The following ZRANB3 variants were observed in gnomAD, a reference collection of about 807,000 sequenced individuals.
ZRANB3 encodes zinc finger RANBP2-type containing 3, also known as DNA annealing helicase and endonuclease ZRANB3.
ZRANB3 carries 125 observed loss-of-function variants against 133.8 expected under a neutral mutation model. The observed-to-expected ratio is 0.93, with a 90% CI of 0.81 to 1.08. ZRANB3 has a LOEUF of 1.08. Among genes scored for constraint, ZRANB3 ranks in the 50% least tolerant of loss-of-function variants. ZRANB3 has a pLI of 0.00. For synonymous variants in ZRANB3, 387 were observed against 432.7 expected (o/e 0.89, Z 1.31); for missense variants, 1,229 against 1,275.5 (o/e 0.96, Z 0.56).
rs576567904 is a variant in ZRANB3, at chr2:135,474,383, T to C, written c.161+29946A>G. Among the ~76,000 whole-genome samples, 10 of 152,232 alleles carry C rather than the reference T, an allele frequency of 6.6e-5. No homozygotes were observed. In the South Asian group the frequency reaches 2.1e-3, roughly 32 times the overall value. ...AATTTGGATGTTTGTCCCCTCGAAA[T>C]TTCTTATTAAAATGTGATCCCCAAT... On this transcript the variant is annotated intron_variant, in intron 2 of 20. Coordinates refer to ENST00000264159, the MANE Select transcript of ZRANB3 (RefSeq NM_032143.4).
At chr2:135,252,066 C>T (rs1425119054) in intron 12 of ZRANB3, among the ~76,000 whole-genome samples, 1 of 152,058 alleles carries the variant, frequency 6.6e-6, no homozygotes, top group Non-Finnish European at 1.5e-5. Context: ...AACAAAAAAA[C>T]CCTCTTTTTC....
At chr2:135,320,031 C>CT (rs34955930) in intron 6 of ZRANB3, among the ~76,000 whole-genome samples, 1 of 152,010 alleles carries the variant, frequency 6.6e-6, no homozygotes, top group Non-Finnish European at 1.5e-5. Context: ...GTGAGTGATT[C>CT]TTTTTTTTCC....
In ZRANB3 at chr2:135,228,073, AAAG is replaced by A. The variant is rs1321994989; in HGVS notation, c.1955-61_1955-59del. Reference sequence around the variant, plus strand: ...TAATTTACATTTAAAAGTAAAGTAAAAAGAATGTAACAGTTAGGTCTTATAAAA... The same window carrying A: ...TAATTTACATTTAAAAGTAAAGTAAAAATGTAACAGTTAGGTCTTATAAAA... On this transcript the variant is annotated intron_variant, in intron 13 of 20. Coordinates refer to ENST00000264159, the MANE Select transcript of ZRANB3 (RefSeq NM_032143.4). 12 of 1,360,268 alleles carry A rather than the reference AAAG, an allele frequency of 8.8e-6. No homozygotes were observed. In the African/African-American group the frequency reaches 1.5e-4, roughly 17 times the overall value. 84.3% of individuals were successfully genotyped at this position (1,360,268 alleles called of 1,614,324 possible).
chr2:135,336,940 A>G (rs1684396587), intron 6 of ZRANB3, among the ~76,000 whole-genome samples: 1 of 152,172 alleles, frequency 6.6e-6, no homozygotes, highest in South Asian at 2.1e-4. Flanking sequence ...AAAAAGACCT[A>G]TGATAGGAAC....
intron 2 of ZRANB3, among the ~76,000 whole-genome samples, chr2:135,392,866 C>T (rs1490028969): frequency 6.6e-6 from 1 of 151,110 alleles, no homozygotes; most frequent in African/African-American, 2.4e-5. Context: ...GTCAGCTTAC[C>T]CAATAAATAT....
chr2:135,495,668 A>G (rs564014100), intron 2 of ZRANB3, among the ~76,000 whole-genome samples: 1 of 152,234 alleles, frequency 6.6e-6, no homozygotes, highest in Non-Finnish European at 1.5e-5. Context: ...GTTGAAAAAA[A>G]TACAGCACCA....
chr2:135,252,392 A>C (rs1679441230), intron 12 of ZRANB3, among the ~76,000 whole-genome samples: 1 of 152,230 alleles, frequency 6.6e-6, no homozygotes, highest in South Asian at 2.1e-4. Flanking sequence ...TTTTGTAGAA[A>C]AAAATCCCAT....
intron 15 of ZRANB3, among the ~76,000 whole-genome samples, chr2:135,223,202 G>T (rs1437019998): frequency 6.6e-6 from 1 of 151,700 alleles, no homozygotes; most frequent in Non-Finnish European, 1.5e-5. Flanking sequence ...AGTGAGCCGA[G>T]ATTGCACCAC....
intron 12 of ZRANB3, among the ~76,000 whole-genome samples, chr2:135,254,142 T>A (rs1399011848): frequency 6.6e-6 from 1 of 152,192 alleles, no homozygotes; most frequent in Non-Finnish European, 1.5e-5. Context: ...TTTGTTCATA[T>A]CTCTGGGCTT....
intron 2 of ZRANB3, among the ~76,000 whole-genome samples, chr2:135,405,525 C>T (rs1022591084): frequency 6.6e-6 from 1 of 152,198 alleles, no homozygotes; most frequent in African/African-American, 2.4e-5. Context: ...ACATTCTTCT[C>T]AGCACCACAG....
chr2:135,387,543 A>T (rs1450667747), intron 3 of ZRANB3, among the ~76,000 whole-genome samples: 1 of 152,198 alleles, frequency 6.6e-6, no homozygotes, highest in African/African-American at 2.4e-5. Flanking sequence ...CTTGTATGTC[A>T]TTCTGTTTAT....
intron 8 of ZRANB3, among the ~76,000 whole-genome samples, chr2:135,277,570 G>A (rs1680895730): frequency 6.6e-6 from 1 of 152,108 alleles, no homozygotes; most frequent in African/African-American, 2.4e-5. Flanking sequence ...AAATATAATA[G>A]CAGAAATGGA....
At chr2:135,424,389 AC>A (rs1375065103) in intron 2 of ZRANB3, among the ~76,000 whole-genome samples, 1 of 152,250 alleles carries the variant, frequency 6.6e-6, no homozygotes, top group Non-Finnish European at 1.5e-5. Context: ...AAGAAAGAAA[AC>A]AAAATAAAAA....
intron 6 of ZRANB3, among the ~76,000 whole-genome samples, chr2:135,337,473 T>A (rs1684418675): frequency 1.3e-5 from 2 of 152,184 alleles, no homozygotes; most frequent in East Asian, 1.9e-4. Flanking sequence ...GGTAGACAAC[T>A]AACAGTGTTA....
intron 1 of ZRANB3, among the ~76,000 whole-genome samples, chr2:135,526,277 C>T (rs922438353): frequency 6.6e-6 from 1 of 151,298 alleles, no homozygotes; most frequent in Admixed American, 6.6e-5. Context: ...CATTCTCCTG[C>T]CTCAGCCTCC....
chr2:135,316,593 A>G (rs1683262479), intron 6 of ZRANB3, among the ~76,000 whole-genome samples: 1 of 152,240 alleles, frequency 6.6e-6, no homozygotes, highest in Admixed American at 6.5e-5. Context: ...AATAGGTGTC[A>G]ATTTGAGAAA....
At chr2:135,309,422 A>G (rs1434649555) in intron 8 of ZRANB3, among the ~76,000 whole-genome samples, 1 of 152,210 alleles carries the variant, frequency 6.6e-6, no homozygotes, top group Admixed American at 6.5e-5. Flanking sequence ...AAATAAATAA[A>G]AGGCATATAT....
intron 2 of ZRANB3, among the ~76,000 whole-genome samples, chr2:135,491,059 C>G (rs1692349443): frequency 6.6e-6 from 1 of 151,996 alleles, no homozygotes; most frequent in Non-Finnish European, 1.5e-5. Context: ...AGAAATAATA[C>G]CTAACGTTTG....
In ZRANB3 at chr2:135,341,276, G is replaced by A. The variant is rs975074849; in HGVS notation, c.677+4274C>T. Among the ~76,000 whole-genome samples, 5 of 149,728 alleles carry A rather than the reference G, an allele frequency of 3.3e-5. 1 individual carries two copies. Among genetic ancestry groups the A allele is most frequent in the African/African-American group, 1.0e-4 (4 of 39,148 alleles). ...ATCTCTGGATCTCGTGATCTGTTGC[G>A]GGAAGTCAGGGACCCCAAACAGAGG... On this transcript the variant is annotated intron_variant, in intron 6 of 20. Transcript: ENST00000264159.
Sources: allele counts gnomAD v4.1 joint callset (sites outside exome capture counted in the v4.1 genomes callset), GRCh38; gene constraint gnomAD v4.1.1; transcripts MANE v1.5; gene names NCBI Gene and HGNC (gene_info 2026-07-23, HGNC 2026-07-21).